SHROOM4: variants seen among roughly 807,000 people sequenced by gnomAD.
SHROOM4 encodes shroom family member 4.
In SHROOM4, 17 loss-of-function variants were observed where a neutral mutation model predicts 80.3. The ratio of observed to expected loss-of-function variants is 0.21; its 90% CI spans 0.14 to 0.32. The LOEUF (loss-of-function observed/expected upper bound fraction) is 0.32. Among genes scored for constraint, SHROOM4 ranks in the 10% least tolerant of loss-of-function variants. The pLI is 1.00. For synonymous variants in SHROOM4, 400 were observed against 437.5 expected, an observed-to-expected ratio of 0.91 and a Z score of 1.07; for missense variants, 993 against 1,140.3, an observed-to-expected ratio of 0.87 and a Z score of 1.86.
At position 50,590,332 on chromosome X, in the gene SHROOM4, C is replaced by T. The variant is rs947055997; in HGVS notation, c.*6363G>A. On this transcript the variant is annotated 3_prime_UTR_variant, in exon 9 of 9. Coordinates refer to ENST00000376020, the MANE Select transcript of SHROOM4 (RefSeq NM_020717.5). Reference sequence around the variant, plus strand: ...CTCAATCTCTGCTCACTGCAAGCTCCGCCTCCTGGGTTCACGCCATTCTCC... The same window carrying T: ...CTCAATCTCTGCTCACTGCAAGCTCTGCCTCCTGGGTTCACGCCATTCTCC... Among the ~76,000 whole-genome samples, 6 of 110,821 alleles carry T rather than the reference C, an allele frequency of 5.4e-5. No individual in the cohort carries two copies. Among genetic ancestry groups the T allele is most frequent in the Non-Finnish European group, 1.1e-4 (6 of 52,937 alleles).
In SHROOM4 at chrX:50,595,993, G is replaced by A. The variant is rs1929093111; in HGVS notation, c.*702C>T. The A allele has an allele frequency of 3.0e-6, 1 of 329,149 alleles. No homozygotes were observed. The highest frequency in any genetic ancestry group is 5.9e-6 in the Non-Finnish European group (1 of 169,945). The allele number at this position is 329,149 out of a possible 1,213,427, so 27.1% of individuals were successfully genotyped here. ...GCAATGTAAAGGAAAGATGAAACAA[G>A]AGGTGGTAGGACCAAAGTCTTAGGA... On this transcript the variant is annotated 3_prime_UTR_variant, in exon 9 of 9. Transcript: ENST00000376020.
At chrX:50,759,805 A>T (rs1186109142) in intron 1 of SHROOM4, among the ~76,000 whole-genome samples, 1 of 111,429 alleles carries the variant, frequency 9.0e-6, no homozygotes, top group African/African-American at 3.3e-5. Context: ...TCAGTGATTT[A>T]TTCTTTGACC....
At chrX:50,729,772 C>A (rs1427383648) in intron 1 of SHROOM4, among the ~76,000 whole-genome samples, 1 of 110,740 alleles carries the variant, frequency 9.0e-6, no homozygotes, top group African/African-American at 3.3e-5. Flanking sequence ...CTAAAGGAAA[C>A]CCCAATAAGA....
intron 1 of SHROOM4, among the ~76,000 whole-genome samples, chrX:50,731,540 T>C (rs1569548239): frequency 8.9e-6 from 1 of 112,065 alleles, no homozygotes; most frequent in Non-Finnish European, 1.9e-5. Context: ...GGATCTACCA[T>C]GGTCATGGTG....
chrX:50,689,322 G>A (rs1933162397), intron 2 of SHROOM4, among the ~76,000 whole-genome samples: 2 of 111,730 alleles, frequency 1.8e-5, no homozygotes, highest in Admixed American at 9.5e-5. Flanking sequence ...AAAATGAAGG[G>A]AATCTTACAT....
intron 4 of SHROOM4, among the ~76,000 whole-genome samples, chrX:50,629,061 G>A (rs1232495207): frequency 8.9e-6 from 1 of 111,946 alleles, no homozygotes; most frequent in African/African-American, 3.3e-5. Context: ...CCCTGTGGAC[G>A]TGCTCAGTAA....
chrX:50,755,596 C>A (rs781784153), intron 1 of SHROOM4, among the ~76,000 whole-genome samples: 2 of 112,257 alleles, frequency 1.8e-5, no homozygotes, highest in South Asian at 7.4e-4. Context: ...AAACATCTGT[C>A]AAATACATAA....
chrX:50,698,913 T>C (rs1173452672), intron 1 of SHROOM4, among the ~76,000 whole-genome samples: 2 of 112,095 alleles, frequency 1.8e-5, no homozygotes, highest in Non-Finnish European at 3.8e-5. Context: ...CTTCCCACCT[T>C]CCTCCTCCTA....
chrX:50,713,441 G>T (rs916216666), intron 1 of SHROOM4, among the ~76,000 whole-genome samples: 5 of 109,637 alleles, frequency 4.6e-5, no homozygotes, highest in African/African-American at 1.7e-4. Context: ...GACCAGCCTG[G>T]GCAACATAGG....
chrX:50,671,634 G>A (rs1932798669), intron 2 of SHROOM4, among the ~76,000 whole-genome samples: 1 of 112,442 alleles, frequency 8.9e-6, no homozygotes, highest in Non-Finnish European at 1.9e-5. Context: ...CAGCCTTCAT[G>A]GAATTGAAGA....
In SHROOM4 at chrX:50,635,211, C is replaced by T. The variant is rs782300839; in HGVS notation, c.862G>A (p.Ala288Thr). Reference protein sequence around the residue: ...VRRDSLQASRAQLLNGEQRRA... With the variant: ...VRRDSLQASRTQLLNGEQRRA... ...CGCTGCTCTCCATTGAGGAGTTGGG[C>T]TCTGGAGGCCTGAAGGCTGTCCCGC... is the stretch of plus-strand genomic sequence containing the variant. The change falls in exon 4 of 9, where the codon GCC becomes ACC. Residue 288 changes from alanine (A) to threonine (T), a missense_variant. Physicochemically the swap from Ala to Thr is moderately conservative, Grantham distance 58 (BLOSUM62 0). Transcript: ENST00000376020. The T allele has an allele frequency of 8.3e-7, 1 of 1,203,220 alleles. No individual in the cohort carries two copies. Among genetic ancestry groups the T allele is most frequent in the South Asian group, 1.8e-5 (1 of 55,448 alleles).
downstream of SHROOM4, among the ~76,000 whole-genome samples, chrX:50,584,870 A>G (rs1225345834): frequency 9.0e-6 from 1 of 111,277 alleles, no homozygotes; most frequent in Non-Finnish European, 1.9e-5. Flanking sequence ...AACCAGATAT[A>G]AAGTTTTGGA....
downstream of SHROOM4, among the ~76,000 whole-genome samples, chrX:50,583,045 A>G (rs1413606163): frequency 9.2e-6 from 1 of 108,761 alleles, no homozygotes; most frequent in Non-Finnish European, 1.9e-5. Flanking sequence ...ATAGAACATA[A>G]GAGATTTTCT....
chrX:50,622,003 T>C (rs1930595743), intron 5 of SHROOM4, among the ~76,000 whole-genome samples: 2 of 112,067 alleles, frequency 1.8e-5, no homozygotes, highest in African/African-American at 6.5e-5. Context: ...TGTTTGACCT[T>C]GGGCAAATGA....
intron 1 of SHROOM4, among the ~76,000 whole-genome samples, chrX:50,787,079 G>A (rs1238536416): frequency 1.8e-5 from 2 of 109,829 alleles, no homozygotes; most frequent in Non-Finnish European, 3.8e-5. Flanking sequence ...AGTTAGCCTT[G>A]CGTGGTGGCA....
chrX:50,794,059 G>T (rs962062933), intron 1 of SHROOM4, among the ~76,000 whole-genome samples: 51 of 110,590 alleles, frequency 4.6e-4, no homozygotes, highest in African/African-American at 1.6e-3. Context: ...ATATTATGGG[G>T]CCAGAGAGAG....
chrX:50,796,133 T>C (rs1156978944), intron 1 of SHROOM4, among the ~76,000 whole-genome samples: 2 of 111,389 alleles, frequency 1.8e-5, no homozygotes, highest in Admixed American at 9.6e-5. Flanking sequence ...GTAGGAGATA[T>C]AGAACAACTC....
intron 2 of SHROOM4, among the ~76,000 whole-genome samples, chrX:50,679,578 A>C (rs923263089): frequency 1.8e-5 from 2 of 111,692 alleles, no homozygotes; most frequent in African/African-American, 6.5e-5. Flanking sequence ...TAGATACATA[A>C]TAATTGTACA....
intron 1 of SHROOM4, among the ~76,000 whole-genome samples, chrX:50,700,931 C>A (rs1215801936): frequency 1.8e-5 from 2 of 111,401 alleles, no homozygotes; most frequent in Non-Finnish European, 3.8e-5. Context: ...AGGGAGAAGC[C>A]ATTCTTTCCC....
Sources: allele counts gnomAD v4.1 joint callset (sites outside exome capture counted in the v4.1 genomes callset), GRCh38; gene constraint gnomAD v4.1.1; transcripts MANE v1.5; gene names NCBI Gene and HGNC (gene_info 2026-07-23, HGNC 2026-07-21).